CACNB2: variants seen among roughly 807,000 people sequenced by gnomAD.
CACNB2 encodes calcium voltage-gated channel auxiliary subunit beta 2, also known as voltage-dependent L-type calcium channel subunit beta-2.
Under a neutral mutation model 73.3 loss-of-function variants are expected in CACNB2, and 42 were observed. The ratio of observed to expected loss-of-function variants is 0.57; its 90% CI spans 0.45 to 0.74. The LOEUF (loss-of-function observed/expected upper bound fraction) is 0.74, where lower values mean the gene tolerates loss of function less well. Ranked by LOEUF, CACNB2 falls within the 30% of genes least tolerant of loss-of-function variation. The pLI is 0.00. For synonymous variants in CACNB2, 348 were observed against 310.3 expected, an observed-to-expected ratio of 1.12 and a Z score of -1.28; for missense variants, 940 against 853.0, an observed-to-expected ratio of 1.10 and a Z score of -1.27.
intron 2 of CACNB2, among the ~76,000 whole-genome samples, chr10:18,397,551 C>A (rs1215982320): frequency 6.6e-6 from 1 of 151,950 alleles, no homozygotes. Context: ...CCCGTCTCTA[C>A]TAAAAATACA....
At chr10:18,181,301 T>C (rs1199576541) in intron 2 of CACNB2, among the ~76,000 whole-genome samples, 1 of 152,082 alleles carries the variant, frequency 6.6e-6, no homozygotes, top group African/African-American at 2.4e-5. Context: ...TAAGACATTC[T>C]CACAAATCAA....
intron 2 of CACNB2, among the ~76,000 whole-genome samples, chr10:18,236,995 T>G (rs2036470724): frequency 6.6e-6 from 1 of 152,152 alleles, no homozygotes; most frequent in Non-Finnish European, 1.5e-5. Context: ...CCAGGCGAAG[T>G]GCCAAGCAAG....
At chr10:18,262,120 A>T (rs1004032885) in intron 2 of CACNB2, 1 of 441,430 alleles carries the variant, frequency 2.3e-6, no homozygotes, top group African/African-American at 2.0e-5. Flanking sequence ...ATTGCTTAAC[A>T]CTGGTTTGAC....
At chr10:18,525,471 C>A (rs796661436) in intron 9 of CACNB2, among the ~76,000 whole-genome samples, 7 of 152,182 alleles carry the variant, frequency 4.6e-5, no homozygotes, top group African/African-American at 1.7e-4. Flanking sequence ...GCTTCATTAC[C>A]TTGTGGCTTC....
chr10:18,283,851 C>T (rs1387825312), intron 2 of CACNB2, among the ~76,000 whole-genome samples: 1 of 152,102 alleles, frequency 6.6e-6, no homozygotes, highest in East Asian at 1.9e-4. Context: ...CTTCAAACAA[C>T]TGTGAGCAAA....
At chr10:18,499,644 C>A (rs948482667) in intron 4 of CACNB2, among the ~76,000 whole-genome samples, 9 of 128,360 alleles carry the variant, frequency 7.0e-5, no homozygotes, top group African/African-American at 2.7e-4. Context: ...AAAAAAGAAC[C>A]TAGAAGCCTG....
At chr10:18,278,807 G>A (rs1318024122) in intron 2 of CACNB2, among the ~76,000 whole-genome samples, 1 of 152,054 alleles carries the variant, frequency 6.6e-6, no homozygotes, top group East Asian at 1.9e-4. Context: ...CTTGAGTCAA[G>A]GAGTTCGAGA....
chr10:18,324,544 T>G (rs182712687), intron 2 of CACNB2, among the ~76,000 whole-genome samples: 20 of 152,376 alleles, frequency 1.3e-4, no homozygotes, highest in African/African-American at 4.1e-4. Context: ...TTTAAACAGT[T>G]AATGTTTATT....
At chr10:18,170,785 A>T in intron 2 of CACNB2, among the ~76,000 whole-genome samples, 1 of 152,232 alleles carries the variant, frequency 6.6e-6, no homozygotes, top group Admixed American at 6.5e-5. Flanking sequence ...ATTCTTGACA[A>T]TGCTCTTTTA....
At chr10:18,172,693 C>T (rs747316256) in intron 2 of CACNB2, among the ~76,000 whole-genome samples, 2 of 152,072 alleles carry the variant, frequency 1.3e-5, no homozygotes, top group Admixed American at 6.6e-5. Context: ...GAAAAGCCTA[C>T]ACCTATTTTA....
rs976910085 is a variant in CACNB2, at chr10:18,220,174, T to C, written c.213+69199T>C. Among the ~76,000 whole-genome samples, 21 of 46,702 alleles carry C rather than the reference T, an allele frequency of 4.5e-4. 1 individual carries two copies. Among genetic ancestry groups the C allele is most frequent in the East Asian group, 2.1e-3 (3 of 1,398 alleles). The allele number at this position is 46,702 out of a possible 152,430, so 30.6% of individuals were successfully genotyped here. On this transcript the variant is annotated intron_variant, in intron 2 of 13. Coordinates refer to ENST00000324631, the MANE Select transcript of CACNB2 (RefSeq NM_201596.3). ...ATATATACACACACACACACACACA[T>C]ACATATATATACATATATATGTGTG... is the stretch of plus-strand genomic sequence containing the variant.
chr10:18,312,772 G>T (rs1310013615), intron 2 of CACNB2, among the ~76,000 whole-genome samples: 1 of 152,076 alleles, frequency 6.6e-6, no homozygotes, highest in Non-Finnish European at 1.5e-5. Context: ...TGTCTCCTTT[G>T]CCTGTATTTT....
chr10:18,146,715 A>T (rs1477679356), intron 1 of CACNB2, among the ~76,000 whole-genome samples: 1 of 151,996 alleles, frequency 6.6e-6, no homozygotes, highest in Non-Finnish European at 1.5e-5. Context: ...CCTGACCTCA[A>T]ATGATCTGTT....
At chr10:18,415,890 T>A (rs555419162) in intron 3 of CACNB2, among the ~76,000 whole-genome samples, 50 of 152,286 alleles carry the variant, frequency 3.3e-4, no homozygotes, top group Non-Finnish European at 5.9e-4. Context: ...CAATTCCTTA[T>A]CACCCTGCCC....
chr10:18,341,423 A>G (rs1219626762), intron 2 of CACNB2, among the ~76,000 whole-genome samples: 5 of 152,208 alleles, frequency 3.3e-5, no homozygotes, highest in Non-Finnish European at 5.9e-5. Flanking sequence ...AACTTTAGAA[A>G]TTTTGAATTT....
At chr10:18,217,580 A>C (rs956186509) in intron 2 of CACNB2, among the ~76,000 whole-genome samples, 1 of 152,070 alleles carries the variant, frequency 6.6e-6, no homozygotes, top group Admixed American at 6.6e-5. Flanking sequence ...GATGAGCATA[A>C]GGGAAGTCAG....
intron 2 of CACNB2, chr10:18,401,052 G>C (rs1414886993): frequency 1.2e-6 from 2 of 1,614,070 alleles, no homozygotes; most frequent in Non-Finnish European, 1.7e-6. Context: ...CCTGGATCAG[G>C]CTTCTGAAAA....
intron 3 of CACNB2, among the ~76,000 whole-genome samples, chr10:18,415,563 C>T (rs2044904997): frequency 6.6e-6 from 1 of 151,990 alleles, no homozygotes; most frequent in African/African-American, 2.4e-5. Context: ...GTGCTGATGA[C>T]CAGAGAAGGG....
intron 2 of CACNB2, among the ~76,000 whole-genome samples, chr10:18,289,292 G>GTTTTTTT (rs1218890630): frequency 5.4e-5 from 3 of 55,612 alleles, no homozygotes; most frequent in African/African-American, 1.9e-4. Context: ...TTGTTTTTTT[G>GTTTTTTT]TTTTGTTTTT....
Sources: gnomAD v4.1 joint callset for allele counts (sites outside exome capture counted in the v4.1 genomes callset) on GRCh38, gnomAD v4.1.1 for gene constraint, MANE v1.5 for transcripts, NCBI Gene and HGNC (gene_info 2026-07-23, HGNC 2026-07-21) for gene names.